FAR2: variants seen among roughly 807,000 people sequenced by gnomAD.
FAR2 encodes the protein epididymis secretory protein Li 81.
Under a neutral mutation model 56.0 loss-of-function variants are expected in FAR2, and 19 were observed. The observed-to-expected ratio is 0.34, with a 90% CI of 0.24 to 0.50. The LOEUF (loss-of-function observed/expected upper bound fraction) is 0.50, where lower values mean the gene tolerates loss of function less well. Among genes scored for constraint, FAR2 ranks in the 20% least tolerant of loss-of-function variants. FAR2 has a pLI of 0.98. For synonymous variants in FAR2, 219 were observed against 218.8 expected (o/e 1.00, Z -0.01); for missense variants, 508 against 642.2 (o/e 0.79, Z 2.26).
At position 29,292,191 on chromosome 12, in the gene FAR2, G is replaced by T. The variant is rs1948979980; in HGVS notation, c.190-1109G>T. 3 of 152,144 alleles carry T rather than the reference G, an allele frequency of 2.0e-5. No homozygotes were observed. The South Asian group carries it at 6.2e-4, about 32-fold the overall frequency. The allele number at this position is 152,144 out of a possible 1,614,324, so 9.4% of individuals were successfully genotyped here. A position where few individuals can be genotyped will look rare whatever the true frequency, so the allele number is the denominator to read the frequency against. On this transcript the variant is annotated intron_variant, in intron 2 of 11. Transcript: ENST00000536681. ...AAAGTCATAAAAACCAAAGGCAAAAGAAAATCTAAATATGACTACTTACAT... is the reference window on the plus strand; with the variant it reads ...AAAGTCATAAAAACCAAAGGCAAAATAAAATCTAAATATGACTACTTACAT...
intron 1 of FAR2, among the ~76,000 whole-genome samples, chr12:29,183,304 A>G (rs1950009694): frequency 6.6e-6 from 1 of 152,138 alleles, no homozygotes; most frequent in Non-Finnish European, 1.5e-5. Flanking sequence ...CAATTCCCTT[A>G]GCAGTTTCAT....
At chr12:29,155,948 C>T (rs1044730441) in intron 1 of FAR2, among the ~76,000 whole-genome samples, 1 of 152,054 alleles carries the variant, frequency 6.6e-6, no homozygotes, top group African/African-American at 2.4e-5. Flanking sequence ...CTAGTAGGTC[C>T]TCAAACATTA....
chr12:29,262,586 T>A (rs6487794), intron 1 of FAR2, among the ~76,000 whole-genome samples: 4,566 of 152,284 alleles, frequency 0.03, 222 homozygotes, highest in African/African-American at 0.1. Context: ...GCCAAGATTG[T>A]GCCACTGCAC....
At chr12:29,176,569 A>T (rs1319037013) in intron 1 of FAR2, among the ~76,000 whole-genome samples, 1 of 152,278 alleles carries the variant, frequency 6.6e-6, no homozygotes, top group South Asian at 2.1e-4. Flanking sequence ...AAAAAAGGAA[A>T]TAAGAATGAT....
chr12:29,208,397 C>T (rs1009264465), intron 1 of FAR2, among the ~76,000 whole-genome samples: 2 of 152,230 alleles, frequency 1.3e-5, no homozygotes, highest in Non-Finnish European at 2.9e-5. Flanking sequence ...AGTCCTACTA[C>T]TTGGTCCATT....
intron 1 of FAR2, among the ~76,000 whole-genome samples, chr12:29,161,427 A>T (rs1276995142): frequency 6.6e-6 from 1 of 152,118 alleles, no homozygotes; most frequent in Admixed American, 6.5e-5. Flanking sequence ...CATCTGGCTT[A>T]TTTACTCAAT....
chr12:29,151,902 C>CT (rs1364554188), intron 1 of FAR2: 6 of 152,154 alleles, frequency 3.9e-5, no homozygotes, highest in African/African-American at 1.4e-4. Context: ...TAGTTCTTTT[C>CT]TAAAAAATAT....
chr12:29,275,689 G>A (rs529259148), intron 2 of FAR2, among the ~76,000 whole-genome samples: 4 of 152,266 alleles, frequency 2.6e-5, no homozygotes, highest in South Asian at 4.1e-4. Flanking sequence ...CATAGTAGAC[G>A]TTTCGTGTTA....
At chr12:29,317,118 C>T (rs1273193786) in intron 9 of FAR2, 106 bp downstream of exon 9, 1 of 1,246,208 alleles carries the variant, frequency 8.0e-7, no homozygotes, top group Non-Finnish European at 1.1e-6. Flanking sequence ...ACAACTGAAT[C>T]TTACCCATAT....
At chr12:29,192,196 A>C (rs1950108227) in intron 1 of FAR2, among the ~76,000 whole-genome samples, 1 of 152,238 alleles carries the variant, frequency 6.6e-6, no homozygotes. Context: ...TGAATTGCAC[A>C]CCACAGTGAA....
chr12:29,226,076 C>T (rs1947764489), intron 1 of FAR2, among the ~76,000 whole-genome samples: 1 of 152,122 alleles, frequency 6.6e-6, no homozygotes, highest in South Asian at 2.1e-4. Flanking sequence ...TATATGTTAC[C>T]TCATGGAGTT....
chr12:29,312,087 T>C, intron 8 of FAR2, 137 bp downstream of exon 8: 4 of 599,122 alleles, frequency 6.7e-6, no homozygotes, highest in East Asian at 2.9e-5. Flanking sequence ...TAATGAGAAA[T>C]TGTAAATGTG....
intron 8 of FAR2, among the ~76,000 whole-genome samples, chr12:29,312,395 T>C (rs1308696750): frequency 6.6e-6 from 1 of 152,144 alleles, no homozygotes; most frequent in East Asian, 1.9e-4. Context: ...ATTGAGTCCA[T>C]CATACTGATC....
chr12:29,243,714 G>C (rs1948077805), intron 1 of FAR2, among the ~76,000 whole-genome samples: 1 of 152,070 alleles, frequency 6.6e-6, no homozygotes, highest in African/African-American at 2.4e-5. Flanking sequence ...GAATTCCTTA[G>C]GAAAGTCTGA....
chr12:29,229,412 A>G (rs757684673), intron 1 of FAR2, among the ~76,000 whole-genome samples: 3 of 152,234 alleles, frequency 2.0e-5, no homozygotes, highest in Non-Finnish European at 4.4e-5. Context: ...AATAAAATGA[A>G]AAGTTAAGTG....
intron 3 of FAR2, among the ~76,000 whole-genome samples, chr12:29,294,638 C>T (rs1164932940): frequency 6.6e-6 from 1 of 152,250 alleles, no homozygotes; most frequent in Admixed American, 6.5e-5. Context: ...GCGTGAGCCA[C>T]TGTGCCTGGC....
chr12:29,308,446 G>T (rs1040384790), intron 5 of FAR2, among the ~76,000 whole-genome samples: 6 of 152,000 alleles, frequency 3.9e-5, no homozygotes, highest in Non-Finnish European at 1.5e-5. Context: ...GACAATGTAT[G>T]AGGAGTGGTC....
chr12:29,220,048 C>A (rs181869082), intron 1 of FAR2, among the ~76,000 whole-genome samples: 1 of 152,260 alleles, frequency 6.6e-6, no homozygotes, highest in East Asian at 1.9e-4. Flanking sequence ...ATATTATGAT[C>A]CCTGCACATT....
intron 2 of FAR2, among the ~76,000 whole-genome samples, chr12:29,274,625 T>C (rs932561106): frequency 1.3e-5 from 2 of 152,020 alleles, no homozygotes; most frequent in Non-Finnish European, 2.9e-5. Context: ...GCTGGCCGGT[T>C]CCTGCCTTAA....
Sources: gnomAD v4.1 joint callset for allele counts (sites outside exome capture counted in the v4.1 genomes callset) on GRCh38, gnomAD v4.1.1 for gene constraint, MANE v1.5 for transcripts, NCBI Gene and HGNC (gene_info 2026-07-23, HGNC 2026-07-21) for gene names.